The following ITSN1 variants were observed in gnomAD, a reference collection of about 807,000 sequenced individuals.
The protein encoded by ITSN1 is intersectin 1.
Under a neutral mutation model 239.8 loss-of-function variants are expected in ITSN1, and 58 were observed. The ratio of observed to expected loss-of-function variants is 0.24; its 90% CI spans 0.20 to 0.30. The LOEUF is 0.30. Ranked by LOEUF, ITSN1 falls within the 10% of genes least tolerant of loss-of-function variation. The probability of loss-of-function intolerance (pLI) is 1.00; values close to 1 mark genes in which losing one functional copy is unlikely to be tolerated. For synonymous variants in ITSN1, 780 were observed against 770.8 expected (o/e 1.01, Z -0.20); for missense variants, 1,558 against 2,103.3 (o/e 0.74, Z 5.07).
At chr21:33,876,288 TTCTC>T (rs1403867473) in intron 34 of ITSN1, among the ~76,000 whole-genome samples, 44 of 142,478 alleles carry the variant, frequency 3.1e-4, no homozygotes, top group African/African-American at 1.0e-3. Flanking sequence ...CTTTCTTTCC[TTCTC>T]TCTCTCTTTC....
rs1040162142 is a variant in ITSN1, at chr21:33,858,812, C to T, written c.3890+20C>T. 6.6e-7 allele frequency: 1 copy of T among 1,523,030 alleles called. No homozygotes were observed. The highest frequency in any genetic ancestry group is 9.1e-7 in the Non-Finnish European group (1 of 1,099,568). 94.3% of individuals were successfully genotyped at this position (1,523,030 alleles called of 1,614,324 possible). On this transcript the variant is annotated intron_variant, in intron 31 of 39. Coordinates refer to ENST00000381318, the MANE Select transcript of ITSN1 (RefSeq NM_003024.3). ...ACTAAAGTAAGCCTCTCCTCTAATC[C>T]CCAGCCTGGCTTGGCCTCCTCGGCT...
chr21:33,810,830 C>A, intron 20 of ITSN1, 145 bp from the exon 21 acceptor site: 1 of 947,120 alleles, frequency 1.1e-6, no homozygotes, highest in Non-Finnish European at 1.7e-6. Context: ...AGACTCTTTT[C>A]CCAGACACTT....
chr21:33,771,811 G>A (rs1393530085), intron 11 of ITSN1, among the ~76,000 whole-genome samples: 3 of 152,202 alleles, frequency 2.0e-5, no homozygotes, highest in African/African-American at 7.2e-5. Flanking sequence ...AAGGAAAGGA[G>A]TCTGGATGGT....
At chr21:33,751,749 TA>T in intron 6 of ITSN1, 60 bp from the exon 7 acceptor site, 4 of 1,309,342 alleles carry the variant, frequency 3.1e-6, no homozygotes, top group Non-Finnish European at 4.4e-6. Context: ...TTAATTTTTG[TA>T]AATTGGGGAA....
chr21:33,756,004 T>C (rs1167246640), intron 8 of ITSN1, among the ~76,000 whole-genome samples: 1 of 152,058 alleles, frequency 6.6e-6, no homozygotes, highest in Non-Finnish European at 1.5e-5. Flanking sequence ...TAAATACTTG[T>C]TAGAAAGTTA....
rs559128687 is a variant in ITSN1 at position 33,734,807 on chromosome 21, C to T, written c.186-237C>T. ...TTGATGTCTAAAGTACAAATCCTCA[C>T]ACTGAGGCTGAAAATTACCTGCTAA... On this transcript the variant is annotated intron_variant, in intron 4 of 39. Coordinates refer to ENST00000381318, the MANE Select transcript of ITSN1 (RefSeq NM_003024.3). Among the ~76,000 whole-genome samples the T allele has an allele frequency of 1.3e-4, 20 of 152,266 alleles. No individual in the cohort carries two copies. In the South Asian group the frequency reaches 4.1e-3, roughly 32 times the overall value.
intron 16 of ITSN1, among the ~76,000 whole-genome samples, chr21:33,782,347 C>T (rs560009650): frequency 6.6e-6 from 1 of 152,180 alleles, no homozygotes; most frequent in Non-Finnish European, 1.5e-5. Flanking sequence ...TATTTTTAAC[C>T]TGAATCATAT....
intron 8 of ITSN1, among the ~76,000 whole-genome samples, chr21:33,756,424 AAAATT>A (rs1265859024): frequency 2.0e-5 from 3 of 152,180 alleles, no homozygotes; most frequent in Non-Finnish European, 4.4e-5. Context: ...GGAAGGGAAA[AAAATT>A]AGGTTTCCTG....
At position 33,784,354 on chromosome 21, in the gene ITSN1, CT is replaced by C. The variant is rs1197196201; in HGVS notation, c.1824+2222del. On this transcript the variant is annotated intron_variant, in intron 16 of 39. Transcript: ENST00000381318. ...ACACACACACACACACACACACACA[CT>C]AGTCAGGTATGGTGGCATGTGCCTG... Among the ~76,000 whole-genome samples the C allele has an allele frequency of 6.1e-5, 9 of 147,674 alleles. 1 individual carries two copies. The highest frequency in any genetic ancestry group is 3.4e-3 in the Middle Eastern group (1 of 292).
chr21:33,853,329 G>A (rs1978683771), intron 29 of ITSN1, among the ~76,000 whole-genome samples: 1 of 152,174 alleles, frequency 6.6e-6, no homozygotes, highest in Non-Finnish European at 1.5e-5. Context: ...TCTGACTTGG[G>A]CCTTGCAAAG....
Position 33,888,149 on chromosome 21 carries a change from C to A in ITSN1, c.5018-3C>A. The A allele has an allele frequency of 6.2e-7, 1 of 1,613,884 alleles. No homozygotes were observed. The highest frequency in any genetic ancestry group is 1.1e-5 in the South Asian group (1 of 91,058). On this transcript the variant is annotated splice_region_variant and splice_polypyrimidine_tract_variant and intron_variant, in intron 39 of 39. Transcript: ENST00000381318. ...TAGGAGGGTCTGTTTGTTCTCTTTT[C>A]AGATTTTTTGGGTCGGACGGAGATC...
chr21:33,808,458 A>G (rs1442372450), intron 20 of ITSN1, among the ~76,000 whole-genome samples: 1 of 150,040 alleles, frequency 6.7e-6, no homozygotes, highest in Non-Finnish European at 1.5e-5. Flanking sequence ...GGTGGTGGGC[A>G]CCTGTAATCC....
chr21:33,777,389 C>A (rs2069724651), intron 14 of ITSN1, among the ~76,000 whole-genome samples: 1 of 152,120 alleles, frequency 6.6e-6, no homozygotes, highest in Non-Finnish European at 1.5e-5. Context: ...GATACGAATT[C>A]TCTGTTATTG....
At chr21:33,799,698 A>G (rs747168114) in intron 18 of ITSN1, 110 bp from the exon 19 acceptor site, 23 of 1,174,198 alleles carry the variant, frequency 2.0e-5, no homozygotes, top group Non-Finnish European at 2.8e-5. Context: ...GAAATAGTTC[A>G]GAGGTTAAGA....
chr21:33,672,135 C>T (rs574474399), intron 1 of ITSN1, among the ~76,000 whole-genome samples: 3 of 151,570 alleles, frequency 2.0e-5, no homozygotes, highest in Admixed American at 6.6e-5. Flanking sequence ...CCCAGCTACT[C>T]GGGAGGCTGA....
At chr21:33,692,689 T>C (rs1285799469) in intron 1 of ITSN1, among the ~76,000 whole-genome samples, 2 of 152,196 alleles carry the variant, frequency 1.3e-5, no homozygotes, top group Admixed American at 6.5e-5. Context: ...CCATTAAATA[T>C]AGTCATAGAA....
chr21:33,675,397 A>T (rs2090531779), intron 1 of ITSN1, among the ~76,000 whole-genome samples: 2 of 151,982 alleles, frequency 1.3e-5, no homozygotes, highest in South Asian at 4.2e-4. Flanking sequence ...CCCTGTCTCT[A>T]TTAAAAAAAA....
At chr21:33,790,688 CTG>C (rs922378061) in intron 16 of ITSN1, among the ~76,000 whole-genome samples, 1 of 152,162 alleles carries the variant, frequency 6.6e-6, no homozygotes, top group Non-Finnish European at 1.5e-5. Flanking sequence ...AGCAAAATAA[CTG>C]TGACAAATTC....
intron 39 of ITSN1, among the ~76,000 whole-genome samples, chr21:33,886,963 C>T (rs1475996478): frequency 6.6e-6 from 1 of 152,036 alleles, no homozygotes; most frequent in Admixed American, 6.6e-5. Flanking sequence ...TCTGCTTGGG[C>T]CTGGAAAAGA....
Sources: gnomAD v4.1 joint callset for allele counts (sites outside exome capture counted in the v4.1 genomes callset) on GRCh38, gnomAD v4.1.1 for gene constraint, MANE v1.5 for transcripts, NCBI Gene and HGNC (gene_info 2026-07-23, HGNC 2026-07-21) for gene names.